Variants in MEPE observed in about 807,000 individuals in gnomAD.
The protein encoded by MEPE is matrix, extracellular phosphoglycoprotein with ASARM motif (bone).
MEPE carries 7 observed loss-of-function variants against 7.3 expected under a neutral mutation model. The observed-to-expected ratio is 0.95, with a 90% confidence interval of 0.54 to 1.79. The LOEUF is 1.79. Among genes scored for constraint, MEPE ranks in the 40% most tolerant of loss-of-function variants. The pLI, the probability that MEPE is intolerant of heterozygous loss-of-function variation, is 0.00. For missense variants in MEPE, 623 were observed against 628.2 expected, an observed-to-expected ratio of 0.99 and a Z score of 0.09; for synonymous variants, 214 against 213.1, an observed-to-expected ratio of 1.00 and a Z score of -0.04.
chr4:87,824,669 A>G (rs923295444), intron 1 of MEPE, among the ~76,000 whole-genome samples: 1 of 152,190 alleles, frequency 6.6e-6, no homozygotes, highest in Non-Finnish European at 1.5e-5. Context: ...TGTTGTTGTC[A>G]TTAATCACTT....
intron 2 of MEPE, chr4:87,837,493 A>G (rs1722843716): frequency 6.6e-6 from 1 of 152,274 alleles, no homozygotes. Context: ...CATTCCCAAT[A>G]TCTTAGTGCA....
intron 2 of MEPE, among the ~76,000 whole-genome samples, chr4:87,836,072 C>T (rs992670974): frequency 2.6e-5 from 4 of 152,028 alleles, no homozygotes; most frequent in Non-Finnish European, 5.9e-5. Flanking sequence ...CAAATGAAAG[C>T]AGCTCAGCAA....
At chr4:87,825,844 C>A (rs13118700) in intron 1 of MEPE, among the ~76,000 whole-genome samples, 26,763 of 152,034 alleles carry the variant, frequency 0.18, 2,575 homozygotes, top group Non-Finnish European at 0.23. Context: ...TCCTGATACC[C>A]CACCTCCAAC....
chr4:87,845,990 C>T lies in MEPE; in HGVS notation c.1122C>T (p.Tyr374=), dbSNP rs780990661. ...NAHQGKVEFH[Y]PPAPSKEKRK... ...ACCAAGGGAAGGTTGAGTTTCATTA[C>T]CCTCCTGCACCCTCAAAAGAGAAAA... The change falls in exon 4 of 4, where the codon TAC becomes TAT. Residue 374 remains tyrosine, a synonymous_variant. Coordinates refer to ENST00000361056, the MANE Select transcript of MEPE (RefSeq NM_020203.6). The T allele has an allele frequency of 1.1e-5, 18 of 1,613,848 alleles. No individual in the cohort carries two copies. Among genetic ancestry groups the T allele is most frequent in the Non-Finnish European group, 1.4e-5 (17 of 1,179,962 alleles).
upstream of MEPE, among the ~76,000 whole-genome samples, chr4:87,827,947 G>T (rs1341732741): frequency 6.6e-6 from 1 of 152,164 alleles, no homozygotes; most frequent in Non-Finnish European, 1.5e-5. Flanking sequence ...TAATTTGAGG[G>T]TAAAGGAGAA....
At chr4:87,825,728 G>A (rs1013101793) in intron 1 of MEPE, among the ~76,000 whole-genome samples, 25 of 152,122 alleles carry the variant, frequency 1.6e-4, no homozygotes, top group Non-Finnish European at 2.5e-4. Context: ...CTGTACATGC[G>A]CAGGATGTGC....
upstream of MEPE, among the ~76,000 whole-genome samples, chr4:87,828,462 G>A (rs1175828507): frequency 6.6e-6 from 1 of 152,050 alleles, no homozygotes; most frequent in Non-Finnish European, 1.5e-5. Context: ...TGGGGACCAT[G>A]ATAGCAGGGG....
At position 87,845,233 on chromosome 4, in the gene MEPE, G is replaced by A. The variant is rs754696980; in HGVS notation, c.365G>A (p.Gly122Glu). ...LRMSIYPKST[G>E]NKGFEDGDDA... is the part of the protein sequence containing the mutation. ...ATGTCAATTTATCCTAAGTCAACTG[G>A]GAATAAAGGGTTTGAGGATGGAGAT... Residue 122 changes from glycine (G) to glutamate (E), a missense_variant, in exon 4 of 4, where the codon GGG (glycine) becomes GAG (glutamate). By Grantham distance (98) the Gly-to-Glu change is moderately conservative (BLOSUM62 -2). Coordinates refer to ENST00000361056, the MANE Select transcript of MEPE (RefSeq NM_020203.6). The A allele has an allele frequency of 1.4e-5, 22 of 1,613,858 alleles. No individual in the cohort carries two copies. The African/African-American group carries it at 2.8e-4, about 21-fold the overall frequency.
chr4:87,846,638 C>T lies in MEPE; in HGVS notation c.*192C>T, dbSNP rs1472119815. 1.9e-6 allele frequency: 1 copy of T among 532,136 alleles called. No individual in the cohort carries two copies. The highest frequency in any genetic ancestry group is 1.9e-5 in the African/African-American group (1 of 52,144). The allele number at this position is 532,136 out of a possible 1,614,324, so 33.0% of individuals were successfully genotyped here. A position where few individuals can be genotyped will look rare whatever the true frequency, so the allele number is the denominator to read the frequency against. The stretch of plus-strand genomic sequence containing the variant: ...TCACAGTATAAAATTCTATTAAAGG[C>T]TATAATGTTTTTAAGCAAAAAAAAA... On this transcript the variant is annotated 3_prime_UTR_variant, in exon 4 of 4. Coordinates refer to ENST00000361056, the MANE Select transcript of MEPE (RefSeq NM_020203.6).
intron 3 of MEPE, among the ~76,000 whole-genome samples, chr4:87,842,113 G>A (rs1723037389): frequency 6.6e-6 from 1 of 152,180 alleles, no homozygotes. Context: ...CCCATAAACG[G>A]CAGTGAGACA....
At chr4:87,842,928 T>C (rs1281343798) in intron 3 of MEPE, among the ~76,000 whole-genome samples, 1 of 152,206 alleles carries the variant, frequency 6.6e-6, no homozygotes, top group African/African-American at 2.4e-5. Flanking sequence ...GAGCCTGTGA[T>C]ACCCAATTCT....
At chr4:87,837,122 G>A (rs1722825020) in intron 2 of MEPE, among the ~76,000 whole-genome samples, 1 of 152,142 alleles carries the variant, frequency 6.6e-6, no homozygotes, top group African/African-American at 2.4e-5. Flanking sequence ...CTTTCTAAGG[G>A]AAGCTAGCTA....
In MEPE at chr4:87,838,623, T is replaced by G. The variant is rs771993657; in HGVS notation, c.55-9T>G. ...AGTGGGTGAAGTTTTGTTTCTTGTT[T>G]CCTTTCAGACATTTCAACCACAGAC... On this transcript the variant is annotated splice_polypyrimidine_tract_variant and intron_variant, in intron 2 of 3. Coordinates refer to ENST00000361056, the MANE Select transcript of MEPE (RefSeq NM_020203.6). 3 of 1,612,716 alleles carry G rather than the reference T, an allele frequency of 1.9e-6. No homozygotes were observed. Among genetic ancestry groups the G allele is most frequent in the Non-Finnish European group, 2.5e-6 (3 of 1,179,078 alleles).
chr4:87,832,027 C>T (rs757279950), upstream of MEPE, among the ~76,000 whole-genome samples: 79 of 151,994 alleles, frequency 5.2e-4, no homozygotes, highest in Non-Finnish European at 9.0e-4. Flanking sequence ...CATTGCCTGA[C>T]GAGGGCTGTC....
chr4:87,834,603 G>A (rs1401164437), intron 1 of MEPE, 100 bp from the exon 2 acceptor site: 2 of 863,956 alleles, frequency 2.3e-6, no homozygotes, highest in African/African-American at 1.7e-5. Context: ...AACTGCCAAG[G>A]GGAAGGGTGT....
chr4:87,843,570 C>A (rs188540328), intron 3 of MEPE, among the ~76,000 whole-genome samples: 11 of 152,066 alleles, frequency 7.2e-5, no homozygotes, highest in Non-Finnish European at 1.0e-4. Flanking sequence ...TTGTATATTC[C>A]AGCTCATCCT....
At chr4:87,829,223 G>A (rs1359829373), upstream of MEPE, among the ~76,000 whole-genome samples, 1 of 149,134 alleles carries the variant, frequency 6.7e-6, no homozygotes, top group Non-Finnish European at 1.5e-5. Flanking sequence ...ATTTTTTTTT[G>A]CTTTTGTCAA....
chr4:87,843,555 G>A (rs1174405038), intron 3 of MEPE, among the ~76,000 whole-genome samples: 2 of 152,068 alleles, frequency 1.3e-5, no homozygotes, highest in Admixed American at 1.3e-4. Context: ...GCCTATGTAG[G>A]GATGTTGTAT....
At chr4:87,826,835 G>T (rs1722482986) in intron 1 of MEPE, among the ~76,000 whole-genome samples, 1 of 151,794 alleles carries the variant, frequency 6.6e-6, no homozygotes, top group African/African-American at 2.4e-5. Context: ...CTTTTTAATG[G>T]GGCTGTTGGT....
Sources: gnomAD v4.1 joint callset for allele counts (sites outside exome capture counted in the v4.1 genomes callset) on GRCh38, gnomAD v4.1.1 for gene constraint, MANE v1.5 for transcripts, NCBI Gene and HGNC (gene_info 2026-07-23, HGNC 2026-07-21) for gene names.